The following IL1RAPL1 variants were observed in gnomAD, a reference collection of about 807,000 sequenced individuals.
The protein encoded by IL1RAPL1 is interleukin 1 receptor accessory protein like 1.
IL1RAPL1 carries 3 observed loss-of-function variants against 48.4 expected under a neutral mutation model. The observed-to-expected ratio is 0.06, with a 90% confidence interval of 0.03 to 0.16. The LOEUF is 0.16. Among genes scored for constraint, IL1RAPL1 ranks in the 10% least tolerant of loss-of-function variants. The pLI, the probability that IL1RAPL1 is intolerant of heterozygous loss-of-function variation, is 1.00. For synonymous variants in IL1RAPL1, 185 were observed against 187.7 expected, an observed-to-expected ratio of 0.99 and a Z score of 0.12; for missense variants, 349 against 530.6, an observed-to-expected ratio of 0.66 and a Z score of 3.36.
chrX:28,593,393 A>C (rs952712019), intron 1 of IL1RAPL1, among the ~76,000 whole-genome samples: 4 of 111,441 alleles, frequency 3.6e-5, no homozygotes, highest in Non-Finnish European at 7.5e-5. Flanking sequence ...ACTTCTGAAA[A>C]TTTTGCTCTT....
chrX:29,633,408 T>G (rs1476394652), intron 5 of IL1RAPL1, among the ~76,000 whole-genome samples: 1 of 110,266 alleles, frequency 9.1e-6, no homozygotes, highest in Non-Finnish European at 1.9e-5. Flanking sequence ...GTTCTATTTC[T>G]GAATCTGGTT....
intron 6 of IL1RAPL1, among the ~76,000 whole-genome samples, chrX:29,915,133 A>AAAAC (rs780380541): frequency 3.5e-4 from 39 of 112,079 alleles, no homozygotes; most frequent in African/African-American, 1.2e-3. Flanking sequence ...GTCTCTACTA[A>AAAAC]AAACACAAAA....
At position 29,917,495 on chromosome X, in the gene IL1RAPL1, C is replaced by T; in HGVS notation, c.810C>T (p.Phe270=). ...CTGCTAATCTAACCTGCAGAGCTTT[C>T]TTTGGGTACAGCGGAGATGTCAGTC... is the stretch of plus-strand genomic sequence containing the variant. ...GDSANLTCRA[F]FGYSGDVSPL... is the part of the protein sequence containing the mutation. Residue 270 remains phenylalanine, a synonymous_variant, in exon 7 of 11, where the codon TTC becomes TTT. Coordinates refer to ENST00000378993, the MANE Select transcript of IL1RAPL1 (RefSeq NM_014271.4). 8.3e-7 allele frequency: 1 copy of T among 1,207,254 alleles called. No individual in the cohort carries two copies. The highest frequency in any genetic ancestry group is 3.0e-5 in the East Asian group (1 of 33,798).
intron 2 of IL1RAPL1, among the ~76,000 whole-genome samples, chrX:28,956,701 A>G (rs1196130083): frequency 2.8e-5 from 3 of 108,528 alleles, no homozygotes. Context: ...AATGTTCATC[A>G]AGGATATTGG....
intron 1 of IL1RAPL1, among the ~76,000 whole-genome samples, chrX:28,686,298 A>G (rs756578061): frequency 1.2e-4 from 13 of 112,254 alleles, no homozygotes; most frequent in Non-Finnish European, 2.3e-4. Context: ...GTGAGGATAA[A>G]TAATTAAGGG....
At chrX:28,965,652 G>A (rs757920650) in intron 2 of IL1RAPL1, among the ~76,000 whole-genome samples, 9 of 111,331 alleles carry the variant, frequency 8.1e-5, no homozygotes, top group African/African-American at 1.3e-4. Context: ...TGATTTCAGC[G>A]TAGCTTTCAA....
chrX:29,118,234 A>C (rs1928713634), intron 2 of IL1RAPL1, among the ~76,000 whole-genome samples: 1 of 112,407 alleles, frequency 8.9e-6, no homozygotes, highest in Non-Finnish European at 1.9e-5. Context: ...TAATAGCAAT[A>C]ATAGCTACAT....
chrX:29,274,115 A>G, intron 2 of IL1RAPL1, among the ~76,000 whole-genome samples: 1 of 111,384 alleles, frequency 9.0e-6, no homozygotes, highest in Non-Finnish European at 1.9e-5. Flanking sequence ...ATGAAAATGA[A>G]GAAGTACTAA....
intron 2 of IL1RAPL1, among the ~76,000 whole-genome samples, chrX:28,911,944 G>A (rs192877136): frequency 9.4e-6 from 1 of 106,093 alleles, no homozygotes; most frequent in East Asian, 3.0e-4. Context: ...AGCTTTAAGT[G>A]TAGCAAAACT....
chrX:29,505,159 G>T (rs1265481196), intron 5 of IL1RAPL1, among the ~76,000 whole-genome samples: 1 of 111,621 alleles, frequency 9.0e-6, no homozygotes, highest in Non-Finnish European at 1.9e-5. Context: ...TCCCCCCACA[G>T]TTTGACTCTG....
At chrX:29,451,083 C>T (rs16988551) in intron 5 of IL1RAPL1, among the ~76,000 whole-genome samples, 2,799 of 105,073 alleles carry the variant, frequency 0.027, 105 homozygotes, top group African/African-American at 0.092. Context: ...AGGTACAAGA[C>T]GGAAAATGGT....
chrX:29,915,158 C>A (rs998502468), intron 6 of IL1RAPL1, among the ~76,000 whole-genome samples: 5 of 111,627 alleles, frequency 4.5e-5, no homozygotes, highest in African/African-American at 1.6e-4. Flanking sequence ...ATTAGTCGGG[C>A]GTGGTGGCAC....
At chrX:29,357,323 T>C (rs754830779) in intron 3 of IL1RAPL1, among the ~76,000 whole-genome samples, 2 of 112,331 alleles carry the variant, frequency 1.8e-5, no homozygotes, top group East Asian at 2.8e-4. Context: ...CCTGTTTTTT[T>C]ACTTAGAACA....
intron 1 of IL1RAPL1, among the ~76,000 whole-genome samples, chrX:28,722,763 T>G (rs1045302967): frequency 2.7e-5 from 3 of 111,535 alleles, no homozygotes; most frequent in South Asian, 7.6e-4. Context: ...TTGAGATACG[T>G]CCCATCAATA....
rs111433655 is a variant in IL1RAPL1 at position 28,903,759 on chromosome X, C to T, written c.82+114334C>T. Among the ~76,000 whole-genome samples the T allele has an allele frequency of 1.9e-3, 210 of 110,620 alleles. 1 individual carries two copies. The highest frequency in any genetic ancestry group is 0.01 in the Middle Eastern group (2 of 198). ...TATCTTAATGTTGGAATTTATTATG[C>T]GCTACCTATATGCATATATTCTATG... On this transcript the variant is annotated intron_variant, in intron 2 of 10. Transcript: ENST00000378993.
chrX:29,583,874 T>C (rs988502006), intron 5 of IL1RAPL1, among the ~76,000 whole-genome samples: 20 of 111,675 alleles, frequency 1.8e-4, no homozygotes, highest in Non-Finnish European at 2.1e-4. Context: ...GCAGAAAATT[T>C]ATGGGAAAGG....
At chrX:28,722,447 T>C (rs1935597583) in intron 1 of IL1RAPL1, among the ~76,000 whole-genome samples, 2 of 111,766 alleles carry the variant, frequency 1.8e-5, no homozygotes, top group South Asian at 3.8e-4. Context: ...ATTTTGTATC[T>C]TGAGACTTTG....
At chrX:29,435,023 A>T (rs1934466498) in intron 5 of IL1RAPL1, among the ~76,000 whole-genome samples, 1 of 111,067 alleles carries the variant, frequency 9.0e-6, no homozygotes, top group East Asian at 2.8e-4. Flanking sequence ...GGATTTGCCT[A>T]TTCTGAATAT....
intron 5 of IL1RAPL1, among the ~76,000 whole-genome samples, chrX:29,482,986 G>T (rs1002594355): frequency 8.9e-6 from 1 of 111,960 alleles, no homozygotes; most frequent in Non-Finnish European, 1.9e-5. Flanking sequence ...CAAGATAATG[G>T]CTTTTATCTG....
Sources: allele counts gnomAD v4.1 joint callset (sites outside exome capture counted in the v4.1 genomes callset), GRCh38; gene constraint gnomAD v4.1.1; transcripts MANE v1.5; gene names NCBI Gene and HGNC (gene_info 2026-07-23, HGNC 2026-07-21).